The following PNPLA3 variants were observed in gnomAD, a reference collection of about 807,000 sequenced individuals.
PNPLA3 encodes patatin like domain 3, 1-acylglycerol-3-phosphate O-acyltransferase.
In PNPLA3, 42 loss-of-function variants were observed where a neutral mutation model predicts 43.1. That is an observed-to-expected ratio of 0.97 (90% CI 0.76 to 1.26). The LOEUF is 1.26. Ranked by LOEUF, PNPLA3 falls within the 50% of genes most tolerant of loss-of-function variation. The pLI is 0.00. For synonymous variants in PNPLA3, 272 were observed against 253.6 expected (o/e 1.07, Z -0.69); for missense variants, 647 against 621.4 (o/e 1.04, Z -0.44).
intron 5 of PNPLA3, among the ~76,000 whole-genome samples, chr22:43,936,793 G>T (rs915968996): frequency 1.3e-5 from 2 of 152,166 alleles, no homozygotes. Flanking sequence ...CCTCGCCTTT[G>T]CACCTCATGA....
intron 1 of PNPLA3, among the ~76,000 whole-genome samples, chr22:43,925,786 T>C (rs112760678): frequency 2.9e-4 from 44 of 152,340 alleles, no homozygotes; most frequent in African/African-American, 9.9e-4. Context: ...AAAGTCAGCT[T>C]TTTTGTATCC....
At chr22:43,945,413 G>T (rs1362739075) in intron 8 of PNPLA3, among the ~76,000 whole-genome samples, 2 of 152,142 alleles carry the variant, frequency 1.3e-5, no homozygotes, top group Non-Finnish European at 2.9e-5. Flanking sequence ...CATTACCAGG[G>T]TTGGGCGTTA....
At position 43,946,894 on chromosome 22, in the gene PNPLA3, C is replaced by T. The variant is rs755361902; in HGVS notation, c.*512C>T. 13 of 334,360 alleles carry T rather than the reference C, an allele frequency of 3.9e-5. No individual in the cohort carries two copies. The highest frequency in any genetic ancestry group is 8.0e-5 in the East Asian group (1 of 12,452). The allele number at this position is 334,360 out of a possible 1,614,324, so 20.7% of individuals were successfully genotyped here. A position where few individuals can be genotyped will look rare whatever the true frequency, so the allele number is the denominator to read the frequency against. On this transcript the variant is annotated 3_prime_UTR_variant, in exon 9 of 9. Transcript: ENST00000216180. The stretch of plus-strand genomic sequence containing the variant: ...AGATGATAACCTTGACTACTAAAAA[C>T]GTCTCCATGGCGGGGGTAACAAGAT...
intron 3 of PNPLA3, 152 bp downstream of exon 3, chr22:43,929,041 AG>A: frequency 2.5e-6 from 2 of 786,682 alleles, no homozygotes; most frequent in Non-Finnish European, 2.1e-6. Flanking sequence ...GAGTAGCCAC[AG>A]CTGGCCCTAT....
rs773059060 is a variant in PNPLA3, at chr22:43,946,737, T to A, written c.*355T>A. On this transcript the variant is annotated 3_prime_UTR_variant, in exon 9 of 9. Transcript: ENST00000216180. ...GTTTGGATGGGTGGGGGCCTTGTGA[T>A]GGGGGGTAGGCTGGCCCATGTGTGA... is the stretch of plus-strand genomic sequence containing the variant. The A allele has an allele frequency of 2.0e-6, 1 of 500,762 alleles. No individual in the cohort carries two copies. The highest frequency in any genetic ancestry group is 5.7e-5 in the East Asian group (1 of 17,586). The allele number at this position is 500,762 out of a possible 1,614,324, so 31.0% of individuals were successfully genotyped here. A position where few individuals can be genotyped will look rare whatever the true frequency, so the allele number is the denominator to read the frequency against.
intron 1 of PNPLA3, among the ~76,000 whole-genome samples, chr22:43,925,319 C>T (rs73888494): frequency 0.01 from 1,536 of 152,206 alleles, 43 homozygotes; most frequent in African/African-American, 0.036. Context: ...GGGTTTGTTT[C>T]TCACTAGCTG....
intron 3 of PNPLA3, 140 bp downstream of exon 3, chr22:43,929,029 C>G: frequency 2.3e-6 from 2 of 856,046 alleles, no homozygotes; most frequent in Non-Finnish European, 1.9e-6. Context: ...GCCTTTCAGA[C>G]AGAGTAGCCA....
rs375330824 is a variant in PNPLA3, at chr22:43,934,068, G to A, written c.697-538G>A. ...GCGGTGGCTCACGCCTGTAATCCCA[G>A]CACTTTGGGAGGCTGAGGCAGGTGG... On this transcript the variant is annotated intron_variant, in intron 4 of 8. Coordinates refer to ENST00000216180, the MANE Select transcript of PNPLA3 (RefSeq NM_025225.3). Among the ~76,000 whole-genome samples, 1,067 of 152,202 alleles carry A rather than the reference G, an allele frequency of 7.0e-3. 10 individuals carry two copies. The highest frequency in any genetic ancestry group is 0.021 in the African/African-American group (882 of 41,534).
chr22:43,938,730 C>A (rs536028287), intron 6 of PNPLA3, among the ~76,000 whole-genome samples: 1 of 152,174 alleles, frequency 6.6e-6, no homozygotes, highest in Non-Finnish European at 1.5e-5. Context: ...GGACACAGAT[C>A]CAAACCATAT....
intron 2 of PNPLA3, 127 bp downstream of exon 2, chr22:43,927,294 C>A: frequency 1.4e-6 from 1 of 739,508 alleles, no homozygotes; most frequent in Non-Finnish European, 2.3e-6. Context: ...AGCCCAGGAG[C>A]TCGAGACCAA....
rs535823411 is a variant in PNPLA3 at position 43,929,749 on chromosome 22, G to A, written c.486+860G>A. Among the ~76,000 whole-genome samples the A allele has an allele frequency of 4.0e-5, 6 of 151,402 alleles. No individual in the cohort carries two copies. In the East Asian group the frequency reaches 6.1e-4, roughly 15 times the overall value. The stretch of plus-strand genomic sequence containing the variant: ...GTAGCTGGGATTACAGGTGCCTGCC[G>A]TCACGCCAAGCTAATTTTTGTATTT... On this transcript the variant is annotated intron_variant, in intron 3 of 8. Coordinates refer to ENST00000216180, the MANE Select transcript of PNPLA3 (RefSeq NM_025225.3).
intron 1 of PNPLA3, among the ~76,000 whole-genome samples, chr22:43,924,715 T>G (rs1420077536): frequency 6.6e-6 from 1 of 151,546 alleles, no homozygotes; most frequent in African/African-American, 2.4e-5. Flanking sequence ...TGGCGTGATC[T>G]CAACTCACTG....
At chr22:43,945,147 G>A (rs369531310) in intron 8 of PNPLA3, among the ~76,000 whole-genome samples, 11 of 152,326 alleles carry the variant, frequency 7.2e-5, no homozygotes, top group East Asian at 3.9e-4. Flanking sequence ...TAGCGCTGGC[G>A]TGTCTGAGCG....
intron 5 of PNPLA3, among the ~76,000 whole-genome samples, 163 bp from the exon 6 acceptor site, chr22:43,936,888 C>T (rs141260325): frequency 5.4e-4 from 83 of 152,334 alleles, no homozygotes; most frequent in Non-Finnish European, 1.0e-3. Context: ...CCCCTTTCTC[C>T]GGGTGACAAA....
chr22:43,946,115 G>A lies in PNPLA3; in HGVS notation c.1218-39G>A, dbSNP rs749470981. 1.5e-5 allele frequency: 24 copies of A among 1,587,630 alleles called. No individual in the cohort carries two copies. In the East Asian group the frequency reaches 2.0e-4, roughly 13 times the overall value. ...AGCTCAGACTGCACACTGCAGCAGC[G>A]GGAACGGCCTCTAAGCCAACTTCCT... On this transcript the variant is annotated intron_variant, in intron 8 of 8. Coordinates refer to ENST00000216180, the MANE Select transcript of PNPLA3 (RefSeq NM_025225.3).
In PNPLA3 at chr22:43,933,014, C is replaced by G. The variant is rs370205618; in HGVS notation, c.623C>G (p.Thr208Ser). 39 of 1,614,074 alleles carry G rather than the reference C, an allele frequency of 2.4e-5. No individual in the cohort carries two copies. Among genetic ancestry groups the G allele is most frequent in the Non-Finnish European group, 3.2e-5 (38 of 1,180,036 alleles). The change falls in exon 4 of 9, where the codon ACC becomes AGC. Residue 208 changes from threonine to serine, a missense_variant. By Grantham distance (58) the Thr-to-Ser change is moderately conservative. Coordinates refer to ENST00000216180, the MANE Select transcript of PNPLA3 (RefSeq NM_025225.3). ...KSTNFLHVDI[T>S]KLSLRLCTGN... ...ACGAACTTTCTTCATGTGGACATCA[C>G]CAAGCTCAGTCTACGCCTCTGCACA...
At chr22:43,937,679 C>A (rs17579425) in intron 6 of PNPLA3, among the ~76,000 whole-genome samples, 11,513 of 152,184 alleles carry the variant, frequency 0.076, 571 homozygotes, top group Middle Eastern at 0.12. Flanking sequence ...TGGGACTTGG[C>A]CTATTACTCG....
rs753056881 is a variant in PNPLA3, at chr22:43,923,988, C to A, written c.77C>A (p.Thr26Asn). 3.2e-6 allele frequency: 5 copies of A among 1,584,776 alleles called. No homozygotes were observed. In the Admixed American group the frequency reaches 6.8e-5, roughly 22 times the overall value. ...CTGGGCTTCTACCACGTCGGGGCGA[C>A]CCGCTGCCTGAGCGAGCACGCCCCG... The part of the protein sequence containing the change: ...GFLGFYHVGA[T>N]RCLSEHAPHL... Residue 26 changes from threonine (T) to asparagine (N), a missense_variant, in exon 1 of 9, where the codon ACC becomes AAC. Physicochemically the swap from Thr to Asn is moderately conservative, Grantham distance 65. Coordinates refer to ENST00000216180, the MANE Select transcript of PNPLA3 (RefSeq NM_025225.3).
chr22:43,932,438 G>A (rs1258668032), intron 3 of PNPLA3, among the ~76,000 whole-genome samples: 1 of 152,144 alleles, frequency 6.6e-6, no homozygotes, highest in Non-Finnish European at 1.5e-5. Context: ...CAGCAAAGGG[G>A]TCTGGATTTG....
Sources: gnomAD v4.1 joint callset for allele counts (sites outside exome capture counted in the v4.1 genomes callset) on GRCh38, gnomAD v4.1.1 for gene constraint, MANE v1.5 for transcripts, NCBI Gene and HGNC (gene_info 2026-07-23, HGNC 2026-07-21) for gene names.